SNRPN: variants seen among roughly 807,000 people sequenced by gnomAD.
The protein encoded by SNRPN is small nuclear ribonucleoprotein-associated protein N.
In SNRPN, 7 loss-of-function variants were observed where a neutral mutation model predicts 25.2. That is an observed-to-expected ratio of 0.28 (90% confidence interval 0.16 to 0.52). The LOEUF (loss-of-function observed/expected upper bound fraction) is 0.52, where lower values mean the gene tolerates loss of function less well. SNRPN is among the 20% of genes least tolerant of loss of function. The pLI is 0.96. For synonymous variants in SNRPN, 124 were observed against 110.6 expected, an observed-to-expected ratio of 1.12 and a Z score of -0.76; for missense variants, 196 against 322.5, an observed-to-expected ratio of 0.61 and a Z score of 3.00.
At chr15:24,886,225 A>G (rs565492928) in intron 1 of SNRPN, among the ~76,000 whole-genome samples, 1 of 152,298 alleles carries the variant, frequency 6.6e-6, no homozygotes, top group East Asian at 1.9e-4. Context: ...TTAAGTGATC[A>G]TCCCAGCTTG....
intron 3 of SNRPN, among the ~76,000 whole-genome samples, chr15:24,937,704 G>A (rs1042682737): frequency 6.6e-5 from 10 of 152,122 alleles, no homozygotes; most frequent in African/African-American, 2.2e-4. Context: ...CATCACCACT[G>A]TCTAGCTCTA....
chr15:24,967,075 T>G (rs1596277495), intron 2 of SNRPN: 1 of 152,116 alleles, frequency 6.6e-6, no homozygotes, highest in East Asian at 1.9e-4. Context: ...CCTAAACATC[T>G]CCCTGCAAAT....
chr15:24,853,349 CT>C (rs2053060764), upstream of SNRPN, among the ~76,000 whole-genome samples: 1 of 151,956 alleles, frequency 6.6e-6, no homozygotes, highest in African/African-American at 2.4e-5. Flanking sequence ...CTTCCTTCAA[CT>C]TTCCTGGTCT....
At chr15:24,963,920 T>C (rs2075241570) in intron 2 of SNRPN, among the ~76,000 whole-genome samples, 1 of 151,980 alleles carries the variant, frequency 6.6e-6, no homozygotes, top group African/African-American at 2.4e-5. Flanking sequence ...TAGTCTCAGC[T>C]ACCTGGGAGG....
intron 1 of SNRPN, among the ~76,000 whole-genome samples, chr15:24,880,199 G>A (rs746135446): frequency 6.6e-6 from 1 of 152,132 alleles, no homozygotes; most frequent in African/African-American, 2.4e-5. Context: ...TGAACTCCCT[G>A]AGCAGCCACT....
At chr15:24,918,690 CAT>C (rs1282150674) in intron 2 of SNRPN, among the ~76,000 whole-genome samples, 3 of 89,340 alleles carry the variant, frequency 3.4e-5, no homozygotes, top group Non-Finnish European at 6.3e-5. Context: ...ATATATATAA[CAT>C]AATATATATG....
At chr15:24,862,307 A>T (rs1016970102) in intron 1 of SNRPN, among the ~76,000 whole-genome samples, 2 of 151,002 alleles carry the variant, frequency 1.3e-5, no homozygotes, top group African/African-American at 5.0e-5. Context: ...AGAGGGACAG[A>T]TGAGGTAGAA....
chr15:24,908,653 G>T (rs1455418601), intron 2 of SNRPN, among the ~76,000 whole-genome samples: 3 of 151,590 alleles, frequency 2.0e-5, no homozygotes, highest in African/African-American at 7.3e-5. Context: ...CTGGTTACAG[G>T]GAGAAGGCCG....
At chr15:24,832,988 C>G (rs1469435197) in intron 2 of SNRPN, among the ~76,000 whole-genome samples, 1 of 151,370 alleles carries the variant, frequency 6.6e-6, no homozygotes, top group Non-Finnish European at 1.5e-5. Flanking sequence ...GCCTGCAGTC[C>G]CAGCTACTCG....
intron 2 of SNRPN, among the ~76,000 whole-genome samples, chr15:24,846,712 G>A (rs2052232929): frequency 6.6e-6 from 1 of 152,190 alleles, no homozygotes; most frequent in Non-Finnish European, 1.5e-5. Flanking sequence ...ATCACAGGGA[G>A]AGTAACAATT....
intron 2 of SNRPN, among the ~76,000 whole-genome samples, chr15:24,916,985 A>C (rs1271154367): frequency 6.6e-6 from 1 of 152,068 alleles, no homozygotes; most frequent in Non-Finnish European, 1.5e-5. Flanking sequence ...TTTATTCCTT[A>C]TTTGTCCCCA....
At chr15:24,828,166 A>G (rs907837665) in intron 1 of SNRPN, among the ~76,000 whole-genome samples, 1 of 152,160 alleles carries the variant, frequency 6.6e-6, no homozygotes, top group Admixed American at 6.5e-5. Context: ...TTTGACTATG[A>G]TAGTTCTAAA....
rs2055188962 is a variant in SNRPN at position 24,872,038 on chromosome 15, T to A, written c.-578-14478T>A. Reference sequence around the variant, plus strand: ...TCTTTTTAGGGTTGTTTTATACTTCTTGATAGTATATGTTGAATGACAAAC... The same window carrying A: ...TCTTTTTAGGGTTGTTTTATACTTCATGATAGTATATGTTGAATGACAAAC... On this transcript the variant is annotated intron_variant, in intron 1 of 11. Coordinates refer to the SNRPN transcript ENST00000400097. 1.6e-5 allele frequency among the ~76,000 whole-genome samples: 2 copies of A among 121,600 alleles called. 1 individual carries two copies. Among genetic ancestry groups the A allele is most frequent in the Non-Finnish European group, 3.6e-5 (2 of 55,164 alleles). The allele number at this position is 121,600 out of a possible 152,430, so 79.8% of individuals were successfully genotyped here. A position where few individuals can be genotyped will look rare whatever the true frequency, so the allele number is the denominator to read the frequency against.
At position 24,962,171 on chromosome 15, in the gene SNRPN, A is replaced by G. The variant is rs1177988822; in HGVS notation, c.-333A>G. 4 of 1,614,050 alleles carry G rather than the reference A, an allele frequency of 2.5e-6. No individual in the cohort carries two copies. The African/African-American group carries it at 4.0e-5, about 16-fold the overall frequency. ...AGCACGTACCAGAGGTGGAAGTCCA[A>G]GTCAAACGCAGAAGGACTGCCTCAC... On this transcript the variant is annotated 5_prime_UTR_variant, in exon 2 of 10. Transcript: ENST00000390687.
chr15:24,924,893 C>T (rs2060278306), intron 3 of SNRPN, among the ~76,000 whole-genome samples: 1 of 152,098 alleles, frequency 6.6e-6, no homozygotes, highest in Admixed American at 6.5e-5. Flanking sequence ...TGAGCTTATG[C>T]TTGGCAGAAT....
chr15:24,969,227 C>G (rs2076085777), intron 3 of SNRPN, among the ~76,000 whole-genome samples: 1 of 152,090 alleles, frequency 6.6e-6, no homozygotes, highest in Non-Finnish European at 1.5e-5. Context: ...CTCCCAGGTT[C>G]AACTGATTTT....
At chr15:24,954,962 C>T (rs1429332962), upstream of SNRPN, 1 of 1,586,346 alleles carries the variant, frequency 6.3e-7, no homozygotes, top group Admixed American at 1.7e-5. Context: ...TGTGCGAAGC[C>T]TGCCGCTGCT....
chr15:24,933,409 T>C (rs1382005541), intron 3 of SNRPN, among the ~76,000 whole-genome samples: 1 of 150,808 alleles, frequency 6.6e-6, no homozygotes, highest in Non-Finnish European at 1.5e-5. Flanking sequence ...ATGGTGTGTG[T>C]AGGAGCCTAG....
At position 24,872,787 on chromosome 15, in the gene SNRPN, C is replaced by T. The variant is rs1302498124; in HGVS notation, c.-578-13729C>T. ...AAAAAAAGCTGGGTGCGGTGGCTTACGCCTGTAATCCCAGCACTTTGTGAG... is the reference window on the plus strand; with the variant it reads ...AAAAAAAGCTGGGTGCGGTGGCTTATGCCTGTAATCCCAGCACTTTGTGAG... On this transcript the variant is annotated intron_variant, in intron 1 of 11. Coordinates refer to the SNRPN transcript ENST00000400097. 2.2e-4 allele frequency among the ~76,000 whole-genome samples: 22 copies of T among 102,136 alleles called. 5 individuals carry two copies. The highest frequency in any genetic ancestry group is 6.7e-4 in the East Asian group (2 of 2,984). 67.0% of individuals were successfully genotyped at this position (102,136 alleles called of 152,430 possible). A position where few individuals can be genotyped will look rare whatever the true frequency, so the allele number is the denominator to read the frequency against.
Sources: gnomAD v4.1 joint callset for allele counts (sites outside exome capture counted in the v4.1 genomes callset) on GRCh38, gnomAD v4.1.1 for gene constraint, MANE v1.5 for transcripts, NCBI Gene and HGNC (gene_info 2026-07-23, HGNC 2026-07-21) for gene names.